KIF16B: variants seen among roughly 807,000 people sequenced by gnomAD.
The protein encoded by KIF16B is kinesin family member 16B.
In KIF16B, 98 loss-of-function variants were observed where a neutral mutation model predicts 156.3. The observed-to-expected ratio is 0.63, with a 90% CI of 0.53 to 0.74. The LOEUF is 0.74. Ranked by LOEUF, KIF16B falls within the 30% of genes least tolerant of loss-of-function variation. The pLI is 0.00. For missense variants in KIF16B, 1,421 were observed against 1,606.5 expected (o/e 0.88, Z 1.97); for synonymous variants, 564 against 583.7 (o/e 0.97, Z 0.49).
At chr20:16,565,290 CA>C (rs1009235714) in intron 1 of KIF16B, among the ~76,000 whole-genome samples, 19 of 152,078 alleles carry the variant, frequency 1.2e-4, no homozygotes, top group African/African-American at 4.3e-4. Flanking sequence ...AAATTTTAAA[CA>C]AAATGCACAG....
chr20:16,466,893 A>T (rs1391358458), intron 12 of KIF16B, among the ~76,000 whole-genome samples: 1 of 147,990 alleles, frequency 6.8e-6, no homozygotes, highest in African/African-American at 2.5e-5. Flanking sequence ...GGCTTTTCTA[A>T]CTCAGTAAGT....
At chr20:16,308,280 T>C (rs541245151) in intron 25 of KIF16B, among the ~76,000 whole-genome samples, 24 of 152,354 alleles carry the variant, frequency 1.6e-4, no homozygotes, top group African/African-American at 5.8e-4. Flanking sequence ...AAGGGGCTTG[T>C]GTTATTAACT....
At chr20:16,432,908 T>C (rs1489717466) in intron 12 of KIF16B, among the ~76,000 whole-genome samples, 1 of 152,190 alleles carries the variant, frequency 6.6e-6, no homozygotes, top group South Asian at 2.1e-4. Context: ...TTACCACTCT[T>C]ATCAGCCAAC....
chr20:16,406,033 A>G (rs1049704749), intron 16 of KIF16B, among the ~76,000 whole-genome samples: 1 of 152,128 alleles, frequency 6.6e-6, no homozygotes, highest in Non-Finnish European at 1.5e-5. Flanking sequence ...TGTGATTCCA[A>G]TGTTGGGTTA....
intron 10 of KIF16B, among the ~76,000 whole-genome samples, chr20:16,500,708 T>G (rs2068597029): frequency 1.3e-5 from 2 of 152,206 alleles, no homozygotes; most frequent in Non-Finnish European, 2.9e-5. Flanking sequence ...TCCTCTTGAA[T>G]TCACTGGTTT....
chr20:16,482,064 G>A (rs533393970), intron 12 of KIF16B, among the ~76,000 whole-genome samples: 7 of 152,280 alleles, frequency 4.6e-5, no homozygotes, highest in African/African-American at 1.7e-4. Flanking sequence ...GACATGTAAA[G>A]TACGAGATAA....
At chr20:16,476,744 G>A (rs1253209473) in intron 12 of KIF16B, among the ~76,000 whole-genome samples, 4 of 152,152 alleles carry the variant, frequency 2.6e-5, no homozygotes, top group Admixed American at 6.5e-5. Context: ...CAACAAAGGT[G>A]TTTGAATATC....
intron 12 of KIF16B, among the ~76,000 whole-genome samples, chr20:16,439,208 T>C (rs2066728475): frequency 6.6e-6 from 1 of 152,102 alleles, no homozygotes. Flanking sequence ...ACTTTCCATC[T>C]CCACTGCTAC....
At chr20:16,466,742 G>T (rs975300326) in intron 12 of KIF16B, among the ~76,000 whole-genome samples, 8 of 151,402 alleles carry the variant, frequency 5.3e-5, no homozygotes, top group African/African-American at 1.9e-4. Flanking sequence ...TGGACACAGA[G>T]AATCAAAACT....
chr20:16,440,539 ACACAC>A (rs2066767966), intron 12 of KIF16B, among the ~76,000 whole-genome samples: 1 of 17,782 alleles, frequency 5.6e-5, no homozygotes, highest in Non-Finnish European at 1.1e-4. Flanking sequence ...GCGCGCACAC[ACACAC>A]ACACACACAC....
chr20:16,399,011 C>A (rs1396325453), intron 17 of KIF16B, among the ~76,000 whole-genome samples: 1 of 152,058 alleles, frequency 6.6e-6, no homozygotes, highest in Non-Finnish European at 1.5e-5. Flanking sequence ...CCTAGTTTGG[C>A]CTAAGAGGGG....
rs35596738 is a variant in KIF16B at position 16,398,261 on chromosome 20, T to C, written c.1784+6552A>G. Among the ~76,000 whole-genome samples, 1,283 of 152,284 alleles carry C rather than the reference T, an allele frequency of 8.4e-3. 11 individuals are homozygous for C. The highest frequency in any genetic ancestry group is 0.027 in the Middle Eastern group (8 of 294). On this transcript the variant is annotated intron_variant, in intron 17 of 25. Transcript: ENST00000354981. Reference sequence around the variant, plus strand: ...GGCCTGGAGAAAGGTGTGACCCATGTAAATCACAGGATAAAGTTCCGAGTG... The same window carrying C: ...GGCCTGGAGAAAGGTGTGACCCATGCAAATCACAGGATAAAGTTCCGAGTG...
intron 24 of KIF16B, among the ~76,000 whole-genome samples, chr20:16,313,640 G>A (rs1161314677): frequency 1.3e-5 from 2 of 152,098 alleles, no homozygotes; most frequent in Non-Finnish European, 2.9e-5. Context: ...CAATAGCATC[G>A]CTTGGTTTTT....
intron 6 of KIF16B, among the ~76,000 whole-genome samples, chr20:16,509,858 T>G (rs904014066): frequency 6.6e-6 from 1 of 152,246 alleles, no homozygotes; most frequent in Non-Finnish European, 1.5e-5. Context: ...ACATTGTTTA[T>G]TTTATAGTTT....
chr20:16,346,913 A>C (rs982366678), intron 23 of KIF16B, among the ~76,000 whole-genome samples: 2 of 152,224 alleles, frequency 1.3e-5, no homozygotes, highest in Non-Finnish European at 2.9e-5. Context: ...TTCAGAGGCA[A>C]ACCAAGGAAT....
chr20:16,348,457 T>C (rs1056828681), intron 23 of KIF16B, among the ~76,000 whole-genome samples: 2 of 152,198 alleles, frequency 1.3e-5, no homozygotes, highest in African/African-American at 2.4e-5. Context: ...TTTGTGGAAA[T>C]GTCTAGCAAA....
intron 24 of KIF16B, among the ~76,000 whole-genome samples, chr20:16,325,945 A>T (rs2063840314): frequency 6.6e-6 from 1 of 152,184 alleles, no homozygotes; most frequent in African/African-American, 2.4e-5. Context: ...TGGTATAAAA[A>T]TAGGCACATA....
intron 25 of KIF16B, among the ~76,000 whole-genome samples, chr20:16,306,951 C>T (rs1418775795): frequency 6.6e-6 from 1 of 152,108 alleles, no homozygotes; most frequent in African/African-American, 2.4e-5. Context: ...TAAATAATTC[C>T]AAAGGAGCAG....
intron 17 of KIF16B, among the ~76,000 whole-genome samples, chr20:16,385,937 C>G (rs1298178840): frequency 6.6e-6 from 1 of 152,172 alleles, no homozygotes; most frequent in Non-Finnish European, 1.5e-5. Flanking sequence ...CTAGAGCCCA[C>G]AATTTTAATC....
Sources: allele counts gnomAD v4.1 joint callset (sites outside exome capture counted in the v4.1 genomes callset), GRCh38; gene constraint gnomAD v4.1.1; transcripts MANE v1.5; gene names NCBI Gene and HGNC (gene_info 2026-07-23, HGNC 2026-07-21).